The following SIX5 variants were observed in gnomAD, a reference collection of about 807,000 sequenced individuals.
SIX5 encodes homeobox protein SIX5.
A neutral mutation model predicts 37.1 loss-of-function variants in SIX5; 21 were observed. The ratio of observed to expected loss-of-function variants is 0.57; its 90% confidence interval spans 0.40 to 0.81. The LOEUF is 0.81. Among genes scored for constraint, SIX5 ranks in the 40% least tolerant of loss-of-function variants. The pLI is 0.00. For missense variants in SIX5, 1,137 were observed against 1,025.1 expected (o/e 1.11, Z -1.49); for synonymous variants, 626 against 505.9 (o/e 1.24, Z -3.19).
chr19:45,766,035 G>T lies in SIX5; in HGVS notation c.1686C>A (p.Ile562=). 1 of 1,611,700 alleles carries T rather than the reference G, an allele frequency of 6.2e-7. No homozygotes were observed. The highest frequency in any genetic ancestry group is 1.1e-5 in the South Asian group (1 of 90,710). ...TGVALQQGKI[I]LTATFPTSML... ...TGCTGGTGGGGAAGGTGGCGGTGAG[G>T]ATGATCTTGCCCTGCTGCAGGGCCA... The change falls in exon 3 of 3, where the codon ATC becomes ATA. Residue 562 remains isoleucine, a synonymous_variant. Coordinates refer to ENST00000317578, the MANE Select transcript of SIX5 (RefSeq NM_175875.5).
In SIX5 at chr19:45,765,226, C is replaced by T. The variant is rs1969044237; in HGVS notation, c.*275G>A. On this transcript the variant is annotated 3_prime_UTR_variant, in exon 3 of 3. Transcript: ENST00000317578. Reference sequence around the variant, plus strand: ...GTACCAAGTGGAGGGGGCAGGGCCCCTGAGTCAGGACCCTGAGTCCCCCAC... The same window carrying T: ...GTACCAAGTGGAGGGGGCAGGGCCCTTGAGTCAGGACCCTGAGTCCCCCAC... 3.6e-6 allele frequency: 2 copies of T among 557,490 alleles called. No homozygotes were observed. The highest frequency in any genetic ancestry group is 4.0e-5 in the South Asian group (2 of 50,146). 34.5% of individuals were successfully genotyped at this position (557,490 alleles called of 1,614,324 possible). A position where few individuals can be genotyped will look rare whatever the true frequency, so the allele number is the denominator to read the frequency against.
In SIX5 at chr19:45,768,062, T is replaced by A; in HGVS notation, c.783A>T (p.Gly261=). 6.3e-7 allele frequency: 1 copy of A among 1,597,634 alleles called. No individual in the cohort carries two copies. Among genetic ancestry groups the A allele is most frequent in the South Asian group, 1.1e-5 (1 of 90,812 alleles). ...CTCACCTCTTGCAGGGCGCGCCGCC[T>A]CCGGCCCCGGTCCGGTCGCGCTGTC... is the stretch of plus-strand genomic sequence containing the variant. ...NRRQRDRTGA[G]GGAPCKSESD... is the part of the protein sequence containing the mutation. The change falls in exon 1 of 3, where the codon GGA becomes GGT. Residue 261 remains glycine, a synonymous_variant. Coordinates refer to ENST00000317578, the MANE Select transcript of SIX5 (RefSeq NM_175875.5).
Position 45,766,886 on chromosome 19 carries a change from G to C in SIX5, c.1073C>G (p.Pro358Arg), listed in dbSNP as rs1344313680. The change falls in exon 2 of 3, where the codon CCG becomes CGG. Residue 358 changes from proline (P) to arginine (R), a missense_variant. Coordinates refer to ENST00000317578, the MANE Select transcript of SIX5 (RefSeq NM_175875.5). ...LALGEASSLG[P>R]LLLTGGGGAP... ...ACCCCCGCCCCCAGTGAGCAGCAGC[G>C]GGCCCAGGCTGGAGGCCTCGCCCAG... 2 of 1,549,412 alleles carry C rather than the reference G, an allele frequency of 1.3e-6. No homozygotes were observed. The highest frequency in any genetic ancestry group is 8.7e-7 in the Non-Finnish European group (1 of 1,149,870).
chr19:45,765,716 G>C lies in SIX5; in HGVS notation c.2005C>G (p.Leu669Val), dbSNP rs1434782582. 5.0e-6 allele frequency: 8 copies of C among 1,612,888 alleles called. No individual in the cohort carries two copies. The highest frequency in any genetic ancestry group is 5.9e-6 in the Non-Finnish European group (7 of 1,179,992). The change falls in exon 3 of 3, where the codon CTG becomes GTG. Residue 669 changes from leucine (L) to valine (V), a missense_variant. Leu to Val is a conservative substitution (Grantham distance 32). Transcript: ENST00000317578. Reference protein sequence around the residue: ...PAAVPVWSAGLELSAGTEGLL... With the variant: ...PAAVPVWSAGVELSAGTEGLL... ...CCCTCTGTTCCTGCGCTTAGTTCCA[G>C]CCCTGCTGACCAGACAGGCACGGCC...
rs1016715462 is a variant in SIX5, at chr19:45,766,564, G to A, written c.1395C>T (p.Gly465=). 45 of 1,476,840 alleles carry A rather than the reference G, an allele frequency of 3.0e-5. No homozygotes were observed. Among genetic ancestry groups the A allele is most frequent in the Non-Finnish European group, 4.1e-5 (45 of 1,107,312 alleles). The allele number at this position is 1,476,840 out of a possible 1,614,324, so 91.5% of individuals were successfully genotyped here. ...TCAATAGTGGGGAGGTGGGGCTCAGGCCCGTGGGATACCCCGGGGGTGGGG... is the reference window on the plus strand; with the variant it reads ...TCAATAGTGGGGAGGTGGGGCTCAGACCCGTGGGATACCCCGGGGGTGGGG... The part of the protein sequence containing the change: ...PLSPPPGYPT[G]LSPTSPLLNL... Residue 465 remains glycine (G), a synonymous_variant, in exon 2 of 3, where the codon GGC becomes GGT. Transcript: ENST00000317578.
intron 2 of SIX5, 71 bp from the exon 3 acceptor site, chr19:45,766,182 T>C (rs1156426787): frequency 1.3e-6 from 2 of 1,556,858 alleles, no homozygotes; most frequent in Non-Finnish European, 1.7e-6. Flanking sequence ...AAGTGGAGAC[T>C]GTGCAGCTGG....
At position 45,766,533 on chromosome 19, in the gene SIX5, G is replaced by A. The variant is rs1337796364; in HGVS notation, c.1426C>T (p.Pro476Ser). The change falls in exon 2 of 3, where the codon CCC (proline) becomes TCC (serine). Residue 476 changes from proline (P) to serine (S), a missense_variant. Pro to Ser is a moderately conservative substitution (Grantham distance 74). Transcript: ENST00000317578. ...LSPTSPLLNL[P>S]QVVPTSQVVT... ...ACCTGTGAGGTGGGTACTACCTGGGGCAGGTTCAATAGTGGGGAGGTGGGG... is the reference window on the plus strand; with the variant it reads ...ACCTGTGAGGTGGGTACTACCTGGGACAGGTTCAATAGTGGGGAGGTGGGG... 5 of 1,494,904 alleles carry A rather than the reference G, an allele frequency of 3.3e-6. No individual in the cohort carries two copies. Among genetic ancestry groups the A allele is most frequent in the Non-Finnish European group, 4.5e-6 (5 of 1,114,958 alleles). The allele number at this position is 1,494,904 out of a possible 1,614,324, so 92.6% of individuals were successfully genotyped here.
rs971152846 is a variant in SIX5, at chr19:45,765,051, G to A, written c.*450C>T. 8 of 224,706 alleles carry A rather than the reference G, an allele frequency of 3.6e-5. No individual in the cohort carries two copies. The South Asian group carries it at 4.8e-4, about 13-fold the overall frequency. 13.9% of individuals were successfully genotyped at this position (224,706 alleles called of 1,614,324 possible). ...GGAGGGTCTCCAGTCTCAGGGGCGC[G>A]GGGCTGCCTGTCCTCCACCTTCGGA... is the stretch of plus-strand genomic sequence containing the variant. On this transcript the variant is annotated 3_prime_UTR_variant, in exon 3 of 3. Transcript: ENST00000317578.
Position 45,765,242 on chromosome 19 carries a change from A to G in SIX5, c.*259T>C, listed in dbSNP as rs1287409376. ...GCAGGGCCCCTGAGTCAGGACCCTGAGTCCCCCACGTATATGGCAGGGCAC... is the reference window on the plus strand; with the variant it reads ...GCAGGGCCCCTGAGTCAGGACCCTGGGTCCCCCACGTATATGGCAGGGCAC... On this transcript the variant is annotated 3_prime_UTR_variant, in exon 3 of 3. Coordinates refer to ENST00000317578, the MANE Select transcript of SIX5 (RefSeq NM_175875.5). 3.5e-6 allele frequency: 2 copies of G among 577,832 alleles called. No homozygotes were observed. 35.8% of individuals were successfully genotyped at this position (577,832 alleles called of 1,614,324 possible). A position where few individuals can be genotyped will look rare whatever the true frequency, so the allele number is the denominator to read the frequency against.
rs752241124 is a variant in SIX5, at chr19:45,768,870, C to T, written c.-26G>A. 22 of 1,525,570 alleles carry T rather than the reference C, an allele frequency of 1.4e-5. No homozygotes were observed. Among genetic ancestry groups the T allele is most frequent in the African/African-American group, 2.8e-5 (2 of 72,470 alleles). The allele number at this position is 1,525,570 out of a possible 1,614,324, so 94.5% of individuals were successfully genotyped here. On this transcript the variant is annotated 5_prime_UTR_variant, in exon 1 of 3. Transcript: ENST00000317578. ...GTTTTGCAACTTTGGGAAGTTCCTC[C>T]CTCCCTCTCTTCCTCCCTCGGGCTT... is the stretch of plus-strand genomic sequence containing the variant.
Position 45,765,566 on chromosome 19 carries a change from C to T in SIX5, c.2155G>A (p.Glu719Lys). The part of the protein sequence containing the change: ...TAGGEVDEGL[E>K]AEAKVLTQLQ... The stretch of plus-strand genomic sequence containing the variant: ...TGGGTCAGAACCTTGGCCTCAGCTT[C>T]CAACCCCTCGTCAACCTCACCCCCT... Residue 719 changes from glutamate to lysine, a missense_variant, in exon 3 of 3, where the codon GAA (glutamate) becomes AAA (lysine). Around this residue, in one of 3 missense-constraint regions of SIX5, gnomAD observed 787 missense variants for 621.4 expected, o/e 1.27. Coordinates refer to ENST00000317578, the MANE Select transcript of SIX5 (RefSeq NM_175875.5). The T allele has an allele frequency of 6.2e-7, 1 of 1,613,430 alleles. No individual in the cohort carries two copies. Among genetic ancestry groups the T allele is most frequent in the Non-Finnish European group, 8.5e-7 (1 of 1,180,026 alleles).
chr19:45,766,705 T>G lies in SIX5; in HGVS notation c.1254A>C (p.Gly418=). Residue 418 remains glycine (G), a synonymous_variant, in exon 2 of 3, where the codon GGA becomes GGC. Coordinates refer to ENST00000317578, the MANE Select transcript of SIX5 (RefSeq NM_175875.5). ...GGGCCAGGGGCCCCAGGACCTCCTC[T>G]CCAAGGGCTGGTCCCGGAGCAGCCA... ...AQVAAPGPAL[G]EEVLGPLAQV... 6.5e-7 allele frequency: 1 copy of G among 1,544,360 alleles called. No individual in the cohort carries two copies. The highest frequency in any genetic ancestry group is 8.7e-7 in the Non-Finnish European group (1 of 1,146,406).
In SIX5 at chr19:45,766,666, G is replaced by A; in HGVS notation, c.1293C>T (p.Gly431=). Residue 431 remains glycine (G), a synonymous_variant, in exon 2 of 3, where the codon GGC becomes GGT. Coordinates refer to ENST00000317578, the MANE Select transcript of SIX5 (RefSeq NM_175875.5). ...GAGGAAAGGTGGCAGCCGTCGGGGG[G>A]CCAGGCACCACTTGGGCCAGGGGCC... ...VLGPLAQVVP[G]PPTAATFPLP... is the part of the protein sequence containing the mutation. The A allele has an allele frequency of 2.0e-6, 3 of 1,494,498 alleles. No homozygotes were observed. The highest frequency in any genetic ancestry group is 1.4e-5 in the African/African-American group (1 of 71,174). 92.6% of individuals were successfully genotyped at this position (1,494,498 alleles called of 1,614,324 possible).
chr19:45,766,409 T>C lies in SIX5; in HGVS notation c.1550A>G (p.His517Arg), dbSNP rs1969075201. 5.7e-6 allele frequency: 9 copies of C among 1,583,704 alleles called. No homozygotes were observed. The East Asian group carries it at 2.1e-4, about 37-fold the overall frequency. ...CACGCCCACCCCGGAGTTGATGAGG[T>C]GCACATTGGCAGGGCCTGCTGCAGC... Reference protein sequence around the residue: ...VAAAAGPANVHLINSGVGVTA... With the variant: ...VAAAAGPANVRLINSGVGVTA... The change falls in exon 2 of 3, where the codon CAC becomes CGC. Residue 517 changes from histidine (H) to arginine (R), a missense_variant. By Grantham distance (29) the His-to-Arg change is conservative. Transcript: ENST00000317578.
Position 45,765,473 on chromosome 19 carries a change from T to C in SIX5, c.*28A>G. ...TGTCCCTGCGTCTTCAGCACCAATG[T>C]CGGGAGAGGCCACGGGGCCACACTG... On this transcript the variant is annotated 3_prime_UTR_variant, in exon 3 of 3. Transcript: ENST00000317578. The C allele has an allele frequency of 1.9e-6, 3 of 1,612,822 alleles. No homozygotes were observed. Among genetic ancestry groups the C allele is most frequent in the Non-Finnish European group, 2.5e-6 (3 of 1,179,956 alleles).
At position 45,765,117 on chromosome 19, in the gene SIX5, TTAATAG is replaced by T. The variant is rs1969041161; in HGVS notation, c.*378_*383del. 1.2e-5 allele frequency: 4 copies of T among 329,402 alleles called. No homozygotes were observed. The highest frequency in any genetic ancestry group is 6.3e-5 in the African/African-American group (3 of 47,366). The allele number at this position is 329,402 out of a possible 1,614,324, so 20.4% of individuals were successfully genotyped here. A position where few individuals can be genotyped will look rare whatever the true frequency, so the allele number is the denominator to read the frequency against. On this transcript the variant is annotated 3_prime_UTR_variant, in exon 3 of 3. Transcript: ENST00000317578. Reference sequence around the variant, plus strand: ...ACAACACCAGCTATCGGCAGAGCTATTAATAGTGTTTCAGGGAGTGACAGGGAGAGG... The same window carrying T: ...ACAACACCAGCTATCGGCAGAGCTATTGTTTCAGGGAGTGACAGGGAGAGG...
Position 45,768,890 on chromosome 19 carries a change from G to T in SIX5, c.-46C>A. 1 of 1,499,636 alleles carries T rather than the reference G, an allele frequency of 6.7e-7. No individual in the cohort carries two copies. The highest frequency in any genetic ancestry group is 8.9e-7 in the Non-Finnish European group (1 of 1,123,554). 92.9% of individuals were successfully genotyped at this position (1,499,636 alleles called of 1,614,324 possible). Reference sequence around the variant, plus strand: ...TCCTCCCTCCCTCTCTTCCTCCCTCGGGCTTTCCCCAGCCTCCTCCCCCAC... The same window carrying T: ...TCCTCCCTCCCTCTCTTCCTCCCTCTGGCTTTCCCCAGCCTCCTCCCCCAC... On this transcript the variant is annotated 5_prime_UTR_variant, in exon 1 of 3. Transcript: ENST00000317578.
chr19:45,765,341 G>T lies in SIX5; in HGVS notation c.*160C>A. 9.9e-7 allele frequency: 1 copy of T among 1,011,274 alleles called. No individual in the cohort carries two copies. The highest frequency in any genetic ancestry group is 1.5e-6 in the Non-Finnish European group (1 of 651,564). The allele number at this position is 1,011,274 out of a possible 1,614,324, so 62.6% of individuals were successfully genotyped here. On this transcript the variant is annotated 3_prime_UTR_variant, in exon 3 of 3. Transcript: ENST00000317578. ...GAGACCTGGACAGGAGGTGGCCGGG[G>T]ATACAACCCCCAGCACCACCAGGGC...
rs148645884 is a variant in SIX5, at chr19:45,767,148, C to T, written c.811G>A (p.Asp271Asn). The T allele has an allele frequency of 3.2e-4, 514 of 1,611,986 alleles. No homozygotes were observed. The African/African-American group carries it at 3.4e-3, about 11-fold the overall frequency. ...GGGAPCKSES[D>N]GNPTTEDESS... ...TCGTCCTCAGTCGTGGGATTCCCAT[C>T]AGACTCGCTGGCCGGAGAAATGGCT... The change falls in exon 2 of 3, where the codon GAT (aspartate) becomes AAT (asparagine). Residue 271 changes from aspartate to asparagine, a missense_variant. This residue lies in a region of SIX5 where 787 missense variants were observed against 621.4 expected (regional missense o/e 1.27). Coordinates refer to ENST00000317578, the MANE Select transcript of SIX5 (RefSeq NM_175875.5).
Sources: gnomAD v4.1 joint callset for allele counts on GRCh38, gnomAD v4.1.1 for gene constraint, gnomAD v4.1.1 regional missense constraint, MANE v1.5 for transcripts, NCBI Gene and HGNC (gene_info 2026-07-23, HGNC 2026-07-21) for gene names.